AFAP1L2: variants seen among roughly 807,000 people sequenced by gnomAD.
AFAP1L2 encodes the protein actin filament-associated protein 1-like 2.
AFAP1L2 carries 46 observed loss-of-function variants against 99.3 expected under a neutral mutation model. That is an observed-to-expected ratio of 0.46 (90% CI 0.37 to 0.59). AFAP1L2 has a LOEUF of 0.59. Ranked by LOEUF, AFAP1L2 falls within the 20% of genes least tolerant of loss-of-function variation. The pLI, the probability that AFAP1L2 is intolerant of heterozygous loss-of-function variation, is 0.00. For synonymous variants in AFAP1L2, 397 were observed against 419.1 expected (o/e 0.95, Z 0.64); for missense variants, 959 against 1,034.9 (o/e 0.93, Z 1.01).
chr10:114,336,808 G>A (rs1478661729), intron 2 of AFAP1L2, among the ~76,000 whole-genome samples: 1 of 152,136 alleles, frequency 6.6e-6, no homozygotes, highest in Non-Finnish European at 1.5e-5. Context: ...ACAGATCTTA[G>A]TCTATGCCTG....
rs75209870 is a variant in AFAP1L2, at chr10:114,332,099, G to A, written c.221-202C>T. 8.6e-3 allele frequency among the ~76,000 whole-genome samples: 1,309 copies of A among 152,262 alleles called. 20 individuals are homozygous for A. Among genetic ancestry groups the A allele is most frequent in the African/African-American group, 0.03 (1,241 of 41,538 alleles). ...GCAGGAGTGCCCCAGACATGTGCCT[G>A]GGGTTTCTGGCAGCCTCTGTACCTG... On this transcript the variant is annotated intron_variant, in intron 3 of 18. Transcript: ENST00000304129.
chr10:114,315,571 T>C lies in AFAP1L2; in HGVS notation c.601A>G (p.Asn201Asp), dbSNP rs2043995143. 6.2e-7 allele frequency: 1 copy of C among 1,614,102 alleles called. No homozygotes were observed. The highest frequency in any genetic ancestry group is 8.5e-7 in the Non-Finnish European group (1 of 1,180,006). Reference protein sequence around the residue: ...WAKQLCVIKDNRLLCYKSSKD... With the variant: ...WAKQLCVIKDDRLLCYKSSKD... ...TAAGGCAGACTGACCAGAAGCCTGT[T>C]GTCCTTGATGACACAGAGCTGCTTG... The change falls in exon 6 of 19, where the codon AAC becomes GAC. Residue 201 changes from asparagine to aspartate, a missense_variant. Physicochemically the swap from Asn to Asp is conservative, Grantham distance 23. Around this residue, in one of 2 missense-constraint regions of AFAP1L2, gnomAD observed 383 missense variants for 472.8 expected, o/e 0.81. Coordinates refer to ENST00000304129, the MANE Select transcript of AFAP1L2 (RefSeq NM_001001936.3).
intron 1 of AFAP1L2, among the ~76,000 whole-genome samples, chr10:114,365,220 C>G (rs894831623): frequency 2.6e-5 from 4 of 152,144 alleles, no homozygotes; most frequent in African/African-American, 9.7e-5. Context: ...TTGTTCTCTT[C>G]TGGTATGGAC....
In AFAP1L2 at chr10:114,366,096, A is replaced by G. The variant is rs182683937; in HGVS notation, c.17-25365T>C. Among the ~76,000 whole-genome samples, 358 of 152,268 alleles carry G rather than the reference A, an allele frequency of 2.4e-3. 2 individuals carry two copies. Among genetic ancestry groups the G allele is most frequent in the Non-Finnish European group, 4.1e-3 (278 of 68,026 alleles). On this transcript the variant is annotated intron_variant, in intron 1 of 18. Coordinates refer to ENST00000304129, the MANE Select transcript of AFAP1L2 (RefSeq NM_001001936.3). ...TAACCATCTCTATCTTTGGGGCTAC[A>G]ATGGATAACAGAAGTAAGTGTGTTC...
Position 114,331,881 on chromosome 10 carries a change from G to A in AFAP1L2, c.237C>T (p.Gly79=). The change falls in exon 4 of 19, where the codon GGC becomes GGT. Residue 79 remains glycine, a synonymous_variant. Transcript: ENST00000304129. ...GGCTGGGCTCCCCATTGGGTAGCAGGCCCTGCTCCTCAGGCGCTGCGGGCA... is the reference window on the plus strand; with the variant it reads ...GGCTGGGCTCCCCATTGGGTAGCAGACCCTGCTCCTCAGGCGCTGCGGGCA... The part of the protein sequence containing the change: ...ESQGKAPEEQ[G]LLPNGEPSQH... 2 of 1,333,710 alleles carry A rather than the reference G, an allele frequency of 1.5e-6. No individual in the cohort carries two copies. The highest frequency in any genetic ancestry group is 1.9e-6 in the Non-Finnish European group (2 of 1,032,854). The allele number at this position is 1,333,710 out of a possible 1,614,324, so 82.6% of individuals were successfully genotyped here.
At chr10:114,312,485 T>C (rs988512100) in intron 7 of AFAP1L2, among the ~76,000 whole-genome samples, 2 of 152,158 alleles carry the variant, frequency 1.3e-5, no homozygotes, top group African/African-American at 4.8e-5. Context: ...TAATCAGCTC[T>C]GCAGCCCAGG....
rs112039988 is a variant in AFAP1L2 at position 114,384,407 on chromosome 10, A to C, written c.16+20033T>G. 6.4e-3 allele frequency among the ~76,000 whole-genome samples: 967 copies of C among 150,834 alleles called. 10 individuals carry two copies. Among genetic ancestry groups the C allele is most frequent in the African/African-American group, 0.022 (910 of 40,964 alleles). ...TGAGAAGGGCCATTGTTCCCCCCAC[A>C]CTTGTCCAAAGCCTCCATTTAGGGC... On this transcript the variant is annotated intron_variant, in intron 1 of 18. Coordinates refer to ENST00000304129, the MANE Select transcript of AFAP1L2 (RefSeq NM_001001936.3).
rs1378315583 is a variant in AFAP1L2 at position 114,318,677 on chromosome 10, G to A, written c.407-2912C>T. On this transcript the variant is annotated intron_variant, in intron 5 of 18. Transcript: ENST00000304129. ...AGAATCATTTGAACCAGGAAGTGGA[G>A]ATTGCGGTGAGCTGAGATCGCGCCA... 4.9e-5 allele frequency among the ~76,000 whole-genome samples: 7 copies of A among 143,940 alleles called. 1 individual carries two copies. The highest frequency in any genetic ancestry group is 1.8e-4 in the African/African-American group (7 of 39,832). The allele number at this position is 143,940 out of a possible 152,430, so 94.4% of individuals were successfully genotyped here. A position where few individuals can be genotyped will look rare whatever the true frequency, so the allele number is the denominator to read the frequency against.
intron 5 of AFAP1L2, among the ~76,000 whole-genome samples, chr10:114,320,181 AC>A (rs555621812): frequency 5.3e-4 from 80 of 152,272 alleles, no homozygotes; most frequent in African/African-American, 1.8e-3. Context: ...TCAGTGAAGA[AC>A]CTGGTATCTC....
intron 1 of AFAP1L2, among the ~76,000 whole-genome samples, chr10:114,366,856 T>C (rs1430566973): frequency 6.6e-6 from 1 of 152,088 alleles, no homozygotes; most frequent in African/African-American, 2.4e-5. Context: ...TAGTCTCAGC[T>C]ACTCAGGGGG....
At chr10:114,323,316 C>G (rs1564867616) in intron 4 of AFAP1L2, 55 bp from the exon 5 acceptor site, 5 of 1,472,268 alleles carry the variant, frequency 3.4e-6, no homozygotes, top group Non-Finnish European at 4.7e-6. Flanking sequence ...CTGGGAGCAA[C>G]TTGGAAATAA....
At chr10:114,359,321 G>C (rs1185472145) in intron 1 of AFAP1L2, among the ~76,000 whole-genome samples, 1 of 152,166 alleles carries the variant, frequency 6.6e-6, no homozygotes, top group Non-Finnish European at 1.5e-5. Flanking sequence ...TATTCAAAAG[G>C]CTATATGACT....
chr10:114,404,423 G>C lies in AFAP1L2; in HGVS notation c.16+17C>G. On this transcript the variant is annotated intron_variant, in intron 1 of 18. Coordinates refer to ENST00000304129, the MANE Select transcript of AFAP1L2 (RefSeq NM_001001936.3). ...AAGGGAGTGGGTGTGCGCCGCGCGA[G>C]GAACCCGCGCCCTCACCTTTGTACC... The C allele has an allele frequency of 6.5e-7, 1 of 1,542,802 alleles. No homozygotes were observed. The highest frequency in any genetic ancestry group is 8.7e-7 in the Non-Finnish European group (1 of 1,146,082).
the AFAP1L2 span, among the ~76,000 whole-genome samples, chr10:114,285,750 A>G: frequency 1.2e-4 from 18 of 152,376 alleles, no homozygotes; most frequent in African/African-American, 4.3e-4. Context: ...GGAGACCCTT[A>G]GCGAGTGCCA....
chr10:114,318,739 T>TTAAAAAAAAAA (rs2044552955), intron 5 of AFAP1L2, among the ~76,000 whole-genome samples: 1 of 91,044 alleles, frequency 1.1e-5, no homozygotes, highest in Admixed American at 1.3e-4. Flanking sequence ...AGACTCTGTC[T>TTAAAAAAAAAA]AAAAAAAAGA....
rs78841202 is a variant in AFAP1L2, at chr10:114,342,727, T to G, written c.17-1996A>C. ...TCTTTCCTAGAGCCTCCAGGAGCCC[T>G]GTGGCCCCCTCTCAGATTCTGATCT... On this transcript the variant is annotated intron_variant, in intron 1 of 18. Coordinates refer to ENST00000304129, the MANE Select transcript of AFAP1L2 (RefSeq NM_001001936.3). Among the ~76,000 whole-genome samples the G allele has an allele frequency of 9.1e-3, 1,379 of 152,336 alleles. 23 individuals are homozygous for G. The highest frequency in any genetic ancestry group is 0.032 in the African/African-American group (1,321 of 41,578).
intron 13 of AFAP1L2, 33 bp downstream of exon 13, chr10:114,301,321 G>A (rs1388566037): frequency 6.5e-7 from 1 of 1,535,180 alleles, no homozygotes; most frequent in Admixed American, 1.7e-5. Flanking sequence ...AGGGCCTGGA[G>A]AGGCCCAGGC....
the AFAP1L2 span, chr10:114,289,767 A>T: frequency 2.0e-6 from 1 of 492,820 alleles, no homozygotes; most frequent in Non-Finnish European, 3.7e-6. Context: ...ACACTTTTAG[A>T]ATATCCACAA....
chr10:114,331,848 G>A lies in AFAP1L2; in HGVS notation c.270C>T (p.Ser90=). 7.2e-7 allele frequency: 1 copy of A among 1,396,796 alleles called. No individual in the cohort carries two copies. The highest frequency in any genetic ancestry group is 3.0e-5 in the East Asian group (1 of 33,448). The allele number at this position is 1,396,796 out of a possible 1,614,324, so 86.5% of individuals were successfully genotyped here. The change falls in exon 4 of 19, where the codon TCC becomes TCT. Residue 90 remains serine (S), a synonymous_variant. Coordinates refer to ENST00000304129, the MANE Select transcript of AFAP1L2 (RefSeq NM_001001936.3). ...CTGGAAGGCTCTTCTGAGGGGCCGA[G>A]GAGTGCTGGCTGGGCTCCCCATTGG... is the stretch of plus-strand genomic sequence containing the variant. ...LLPNGEPSQH[S]SAPQKSLPDL...
Sources: gnomAD v4.1 joint callset for allele counts (sites outside exome capture counted in the v4.1 genomes callset) on GRCh38, gnomAD v4.1.1 for gene constraint, gnomAD v4.1.1 regional missense constraint, MANE v1.5 for transcripts, NCBI Gene and HGNC (gene_info 2026-07-23, HGNC 2026-07-21) for gene names.